Variants in ADAMTS5 observed in about 807,000 individuals in gnomAD.
ADAMTS5 encodes the protein ADAM metallopeptidase with thrombospondin type 1 motif 5.
Under a neutral mutation model 81.4 loss-of-function variants are expected in ADAMTS5, and 54 were observed. The observed-to-expected ratio is 0.66, with a 90% CI of 0.53 to 0.83. ADAMTS5 has a LOEUF of 0.83. ADAMTS5 is among the 40% of genes least tolerant of loss of function. The pLI is 0.00. For synonymous variants in ADAMTS5, 532 were observed against 508.8 expected, an observed-to-expected ratio of 1.05 and a Z score of -0.61; for missense variants, 1,194 against 1,229.9, an observed-to-expected ratio of 0.97 and a Z score of 0.44.
rs1986767307 is a variant in ADAMTS5, at chr21:26,924,439, C to T, written c.2407G>A (p.Gly803Arg). ...CAACCGCTATAGTTCATGACTGTTC[C>T]ATTGATGTCAATGATAGTCTCTGAA... ...STSETIIDINGTVMNYSGWSH... is the reference protein window; with the variant it reads ...STSETIIDINRTVMNYSGWSH... Residue 803 changes from glycine to arginine, a missense_variant, in exon 8 of 8, where the codon GGA becomes AGA. Physicochemically the swap from Gly to Arg is moderately radical, Grantham distance 125 (BLOSUM62 -2). Coordinates refer to ENST00000284987, the MANE Select transcript of ADAMTS5 (RefSeq NM_007038.5). The T allele has an allele frequency of 6.2e-7, 1 of 1,614,196 alleles. No individual in the cohort carries two copies. The highest frequency in any genetic ancestry group is 8.5e-7 in the Non-Finnish European group (1 of 1,180,024).
rs2123223564 is a variant in ADAMTS5 at position 26,918,046 on chromosome 21, A to T, written c.*6007T>A. ...GATATTGTTCCTCAATGAAAATATT[A>T]CAGTATAGGTCCCAAACGGCTCAGT... On this transcript the variant is annotated 3_prime_UTR_variant, in exon 8 of 8. Coordinates refer to ENST00000284987, the MANE Select transcript of ADAMTS5 (RefSeq NM_007038.5). The T allele has an allele frequency of 6.6e-6, 1 of 152,530 alleles. No homozygotes were observed. The highest frequency in any genetic ancestry group is 1.9e-4 in the East Asian group (1 of 5,172). The allele number at this position is 152,530 out of a possible 1,614,324, so 9.4% of individuals were successfully genotyped here. A position where few individuals can be genotyped will look rare whatever the true frequency, so the allele number is the denominator to read the frequency against.
intron 2 of ADAMTS5, among the ~76,000 whole-genome samples, chr21:26,946,345 A>C (rs1987215509): frequency 6.6e-6 from 1 of 152,230 alleles, no homozygotes; most frequent in Non-Finnish European, 1.5e-5. Flanking sequence ...AGTATACAAA[A>C]GTATAAGCAA....
chr21:26,961,764 A>T (rs1008907935), intron 1 of ADAMTS5, among the ~76,000 whole-genome samples: 3 of 152,200 alleles, frequency 2.0e-5, no homozygotes, highest in Admixed American at 6.5e-5. Flanking sequence ...ATTCCTTGAC[A>T]AGGGTTCACT....
chr21:26,918,465 T>G lies in ADAMTS5; in HGVS notation c.*5588A>C, dbSNP rs1986623367. On this transcript the variant is annotated 3_prime_UTR_variant, in exon 8 of 8. Coordinates refer to ENST00000284987, the MANE Select transcript of ADAMTS5 (RefSeq NM_007038.5). The stretch of plus-strand genomic sequence containing the variant: ...AATGCAACATATTTCTTCAGTCTAT[T>G]TAGTTATCTGCAAAGTCTATTTACA... 1 of 152,040 alleles carries G rather than the reference T, an allele frequency of 6.6e-6. No homozygotes were observed. The highest frequency in any genetic ancestry group is 6.6e-5 in the Admixed American group (1 of 15,248). The allele number at this position is 152,040 out of a possible 1,614,324, so 9.4% of individuals were successfully genotyped here.
chr21:26,944,594 C>G (rs1158037507), intron 2 of ADAMTS5, among the ~76,000 whole-genome samples: 1 of 152,130 alleles, frequency 6.6e-6, no homozygotes, highest in Non-Finnish European at 1.5e-5. Flanking sequence ...GACAGCAAAT[C>G]ATCCTAGTGG....
chr21:26,947,429 T>G (rs1272487983), intron 2 of ADAMTS5, among the ~76,000 whole-genome samples: 1 of 151,986 alleles, frequency 6.6e-6, no homozygotes, highest in Non-Finnish European at 1.5e-5. Context: ...CTTTTTTTCT[T>G]TTTCTTTTTC....
Position 26,924,127 on chromosome 21 carries a change from G to A in ADAMTS5, c.2719C>T (p.Arg907Trp), listed in dbSNP as rs760152877. 63 of 1,612,802 alleles carry A rather than the reference G, an allele frequency of 3.9e-5. No individual in the cohort carries two copies. The highest frequency in any genetic ancestry group is 3.3e-4 in the Middle Eastern group (2 of 6,058). ...TRTVQCQDGN[R>W]KLAKGCPLSQ... is the part of the protein sequence containing the mutation. Reference sequence around the variant, plus strand: ...AGAGGACATCCTTTTGCTAACTTCCGGTTTCCATCCTGGCACTGCACCGTT... The same window carrying A: ...AGAGGACATCCTTTTGCTAACTTCCAGTTTCCATCCTGGCACTGCACCGTT... The change falls in exon 8 of 8, where the codon CGG becomes TGG. Residue 907 changes from arginine to tryptophan, a missense_variant. Physicochemically the swap from Arg to Trp is moderately radical, Grantham distance 101. Coordinates refer to ENST00000284987, the MANE Select transcript of ADAMTS5 (RefSeq NM_007038.5).
intron 3 of ADAMTS5, 123 bp downstream of exon 3, chr21:26,943,257 G>T: frequency 1.0e-6 from 1 of 995,608 alleles, no homozygotes; most frequent in Non-Finnish European, 1.4e-6. Context: ...TCTTTCTTCT[G>T]ACACTATCCA....
chr21:26,946,352 G>T (rs1987215682), intron 2 of ADAMTS5, among the ~76,000 whole-genome samples: 1 of 152,146 alleles, frequency 6.6e-6, no homozygotes, highest in South Asian at 2.1e-4. Flanking sequence ...AAAAGTATAA[G>T]CAATTTTAAA....
At chr21:26,952,483 C>T (rs903169633) in intron 2 of ADAMTS5, among the ~76,000 whole-genome samples, 7 of 152,178 alleles carry the variant, frequency 4.6e-5, no homozygotes, top group Non-Finnish European at 1.5e-5. Flanking sequence ...GAAAGGTGAC[C>T]CTGCAGGGCT....
chr21:26,934,650 C>T lies in ADAMTS5; in HGVS notation c.1505G>A (p.Gly502Glu). Residue 502 changes from glycine to glutamate, a missense_variant, in exon 4 of 8, where the codon GGG becomes GAG. This residue lies in a region of ADAMTS5 where 696 missense variants were observed against 817.6 expected (regional missense o/e 0.85). Transcript: ENST00000284987. ...DATQQCNLTF[G>E]PEYSVCPGMD... ...GCCGGGACACACGGAGTACTCAGGC[C>T]CGAATGTCAGGTTGCACTGCTGGGT... 1.9e-6 allele frequency: 3 copies of T among 1,614,112 alleles called. No homozygotes were observed. The highest frequency in any genetic ancestry group is 1.7e-6 in the Non-Finnish European group (2 of 1,180,026).
intron 2 of ADAMTS5, 150 bp downstream of exon 2, chr21:26,954,589 A>G: frequency 8.7e-7 from 1 of 1,149,390 alleles, no homozygotes. Flanking sequence ...CGTATTAGTT[A>G]ACCTTAAAAG....
rs759854194 is a variant in ADAMTS5 at position 26,965,402 on chromosome 21, C to T, written c.990G>A (p.Val330=). ...TGAGTGTGGTGGCAGCGTTCTTGCT[C>T]ACTTCCAGGCTCTTGTCCTTGTCGC... ...VLGDKDKSLE[V]SKNAATTLKN... is the part of the protein sequence containing the mutation. The change falls in exon 1 of 8, where the codon GTG becomes GTA. Residue 330 remains valine (V), a synonymous_variant. Transcript: ENST00000284987. 9 of 1,614,130 alleles carry T rather than the reference C, an allele frequency of 5.6e-6. No individual in the cohort carries two copies. The African/African-American group carries it at 1.2e-4, about 22-fold the overall frequency.
intron 2 of ADAMTS5, among the ~76,000 whole-genome samples, chr21:26,944,476 A>T (rs1987176181): frequency 6.6e-6 from 1 of 152,186 alleles, no homozygotes; most frequent in Non-Finnish European, 1.5e-5. Context: ...ATTACATAAG[A>T]TCAATTTTCA....
intron 6 of ADAMTS5, 21 bp from the exon 7 acceptor site, chr21:26,930,082 T>C (rs779374880): frequency 1.2e-6 from 2 of 1,611,122 alleles, no homozygotes; most frequent in South Asian, 2.2e-5. Flanking sequence ...GCAAATGCAT[T>C]AGGAGTGGGA....
intron 7 of ADAMTS5, among the ~76,000 whole-genome samples, chr21:26,926,667 TAA>T (rs35848324): frequency 0.013 from 1,575 of 123,268 alleles, 18 homozygotes; most frequent in African/African-American, 0.038. Flanking sequence ...GACCCTGTCT[TAA>T]AAAAAAAAAA....
chr21:26,967,068 CGAGAGCAGCGCGAGCGCT>C lies in ADAMTS5; in HGVS notation c.-695_-678del, dbSNP rs1443431305. The stretch of plus-strand genomic sequence containing the variant: ...ATCCCCAGTCGGCAGCTGCGAGCGC[CGAGAGCAGCGCGAGCGCT>C]GTGAAGATGCGAGGAGGTGGAACAA... On this transcript the variant is annotated 5_prime_UTR_variant, in exon 1 of 8. Transcript: ENST00000284987. Among the ~76,000 whole-genome samples the C allele has an allele frequency of 6.6e-6, 1 of 152,248 alleles. No individual in the cohort carries two copies. The highest frequency in any genetic ancestry group is 1.5e-5 in the Non-Finnish European group (1 of 68,046).
intron 2 of ADAMTS5, among the ~76,000 whole-genome samples, chr21:26,950,679 A>C (rs1410722490): frequency 1.3e-5 from 2 of 152,230 alleles, no homozygotes; most frequent in Non-Finnish European, 2.9e-5. Context: ...TTTTGAAAGA[A>C]TTAGCAGAAA....
At chr21:26,948,107 A>C (rs781049588) in intron 2 of ADAMTS5, among the ~76,000 whole-genome samples, 44 of 152,336 alleles carry the variant, frequency 2.9e-4, no homozygotes, top group Admixed American at 1.6e-3. Flanking sequence ...ACCTTGCTTC[A>C]TTAAATTCAC....
Sources: gnomAD v4.1 joint callset for allele counts (sites outside exome capture counted in the v4.1 genomes callset) on GRCh38, gnomAD v4.1.1 for gene constraint, gnomAD v4.1.1 regional missense constraint, MANE v1.5 for transcripts, NCBI Gene and HGNC (gene_info 2026-07-23, HGNC 2026-07-21) for gene names.